Variants in PTPRS observed in about 807,000 individuals in gnomAD.
PTPRS encodes protein tyrosine phosphatase receptor type S, also known as receptor-type tyrosine-protein phosphatase S.
In PTPRS, 63 loss-of-function variants were observed where a neutral mutation model predicts 215.3. The observed-to-expected ratio is 0.29, with a 90% CI of 0.24 to 0.36. The LOEUF (loss-of-function observed/expected upper bound fraction) is 0.36. Among genes scored for constraint, PTPRS ranks in the 10% least tolerant of loss-of-function variants. PTPRS has a pLI of 1.00. For synonymous variants in PTPRS, 1,404 were observed against 1,191.4 expected (o/e 1.18, Z -3.68); for missense variants, 2,258 against 2,825.8 (o/e 0.80, Z 4.56).
chr19:5,222,978 G>C lies in PTPRS; in HGVS notation c.2814C>G (p.Ala938=), dbSNP rs1007774029. The C allele has an allele frequency of 1.3e-6, 2 of 1,541,202 alleles. No homozygotes were observed. The highest frequency in any genetic ancestry group is 2.0e-5 in the Admixed American group (1 of 51,226). ...PRGHPQILEA[A]GNASAGTVLL... The stretch of plus-strand genomic sequence containing the variant: ...GGACGGTCCCGGCCGAGGCGTTGCC[G>C]GCCGCCTCCAGAATCTGCGGGTGGC... The change falls in exon 18 of 38, where the codon GCC becomes GCG. Residue 938 remains alanine (A), a synonymous_variant. Coordinates refer to ENST00000262963, the MANE Select transcript of PTPRS (RefSeq NM_002850.4).
intron 9 of PTPRS, among the ~76,000 whole-genome samples, chr19:5,246,351 A>C (rs149898115): frequency 1.3e-5 from 2 of 152,298 alleles, no homozygotes; most frequent in East Asian, 3.9e-4. Context: ...ATATATAGAG[A>C]GATATATCAA....
At chr19:5,218,148 ACAT>A (rs1030739719) in intron 25 of PTPRS, among the ~76,000 whole-genome samples, 2 of 152,048 alleles carry the variant, frequency 1.3e-5, no homozygotes, top group African/African-American at 2.4e-5. Context: ...CATTTTTTAA[ACAT>A]CGTCTTTAGG....
chr19:5,274,445 G>A, intron 2 of PTPRS, 101 bp from the exon 3 acceptor site: 1 of 1,331,560 alleles, frequency 7.5e-7, no homozygotes, highest in Non-Finnish European at 1.0e-6. Flanking sequence ...CCTGCCCACG[G>A]AAGTGCCATG....
rs753052187 is a variant in PTPRS, at chr19:5,222,951, A to G, written c.2841T>C (p.Leu947=). 22 of 1,551,232 alleles carry G rather than the reference A, an allele frequency of 1.4e-5. No individual in the cohort carries two copies. In the South Asian group the frequency reaches 1.6e-4, roughly 12 times the overall value. ...CGGGCACGGGTGGCAGCCAGCGGAG[A>G]AGGACGGTCCCGGCCGAGGCGTTGC... ...AAGNASAGTV[L]LRWLPPVPAE... The change falls in exon 18 of 38, where the codon CTT becomes CTC. Residue 947 remains leucine (L), a synonymous_variant. Coordinates refer to ENST00000262963, the MANE Select transcript of PTPRS (RefSeq NM_002850.4).
At chr19:5,262,092 T>C (rs531750524) in intron 6 of PTPRS, among the ~76,000 whole-genome samples, 1 of 152,210 alleles carries the variant, frequency 6.6e-6, no homozygotes, top group East Asian at 1.9e-4. Flanking sequence ...CTGGCCAACA[T>C]GGTGAAACCC....
At chr19:5,222,292 G>A in intron 18 of PTPRS, 72 bp from the exon 19 acceptor site, 1 of 1,324,204 alleles carries the variant, frequency 7.6e-7, no homozygotes, top group Non-Finnish European at 1.1e-6. Flanking sequence ...TGGGTGGCGT[G>A]AAGCGGGGTG....
chr19:5,259,861 G>A (rs1354824939), intron 7 of PTPRS, among the ~76,000 whole-genome samples: 1 of 152,186 alleles, frequency 6.6e-6, no homozygotes, highest in Non-Finnish European at 1.5e-5. Context: ...CGTCCCCATA[G>A]AGCACTGCCT....
intron 4 of PTPRS, among the ~76,000 whole-genome samples, chr19:5,269,540 G>A (rs969603521): frequency 1.3e-5 from 2 of 152,048 alleles, no homozygotes; most frequent in Admixed American, 6.6e-5. Flanking sequence ...GGTGGGATCG[G>A]GTCAGGGTAT....
chr19:5,255,002 A>G (rs949736825), intron 9 of PTPRS, among the ~76,000 whole-genome samples: 2 of 152,212 alleles, frequency 1.3e-5, no homozygotes, highest in Non-Finnish European at 2.9e-5. Flanking sequence ...ATGTTTGGAT[A>G]TGTCACTAAA....
In PTPRS at chr19:5,291,422, G is replaced by A. The variant is rs1433410387; in HGVS notation, c.-94-5188C>T. Among the ~76,000 whole-genome samples the A allele has an allele frequency of 4.6e-5, 7 of 152,088 alleles. No individual in the cohort carries two copies. The East Asian group carries it at 1.4e-3, about 29-fold the overall frequency. ...AGAGTCCACATCCTCTGGGCGCCCA[G>A]GCTGCCAAAATTGCCCGTCAGTGTG... On this transcript the variant is annotated intron_variant, in intron 1 of 37. Coordinates refer to ENST00000262963, the MANE Select transcript of PTPRS (RefSeq NM_002850.4).
At chr19:5,223,419 C>A in intron 17 of PTPRS, 122 bp from the exon 18 acceptor site, 1 of 1,134,830 alleles carries the variant, frequency 8.8e-7, no homozygotes, top group Non-Finnish European at 1.2e-6. Flanking sequence ...TGGGGGGGGT[C>A]TTACTCTGTT....
chr19:5,211,567 G>C, intron 33 of PTPRS, 23 bp downstream of exon 33: 1 of 1,594,334 alleles, frequency 6.3e-7, no homozygotes, highest in Non-Finnish European at 8.6e-7. Flanking sequence ...GGGGCCCTGA[G>C]GTGGGAAAGG....
intron 1 of PTPRS, among the ~76,000 whole-genome samples, chr19:5,335,269 A>G (rs1015674): frequency 0.69 from 104,966 of 152,100 alleles, 37,244 homozygotes; most frequent in African/African-American, 0.85. Context: ...CAGGGGAGGC[A>G]TGTTTACCCA....
intron 1 of PTPRS, among the ~76,000 whole-genome samples, chr19:5,288,296 G>C (rs900922467): frequency 5.9e-5 from 9 of 152,118 alleles, no homozygotes; most frequent in Non-Finnish European, 1.2e-4. Flanking sequence ...GTGCCAGCCA[G>C]CCAAATAGAG....
intron 13 of PTPRS, among the ~76,000 whole-genome samples, chr19:5,233,215 A>T (rs1428693423): frequency 1.3e-5 from 2 of 151,668 alleles, no homozygotes; most frequent in African/African-American, 4.9e-5. Context: ...GCACCGTGGC[A>T]AGGGGAACAG....
Position 5,220,168 on chromosome 19 carries a change from G to C in PTPRS, c.3550-14C>G. 2 of 1,610,016 alleles carry C rather than the reference G, an allele frequency of 1.2e-6. No homozygotes were observed. Among genetic ancestry groups the C allele is most frequent in the Non-Finnish European group, 1.7e-6 (2 of 1,178,086 alleles). On this transcript the variant is annotated splice_polypyrimidine_tract_variant and intron_variant, in intron 21 of 37. Transcript: ENST00000262963. ...GTCCTGGATGAGCTGCGGGAACAGAGTCATGGGTGGCTCAGAGCTCAGCTG... is the reference window on the plus strand; with the variant it reads ...GTCCTGGATGAGCTGCGGGAACAGACTCATGGGTGGCTCAGAGCTCAGCTG...
At position 5,220,162 on chromosome 19, in the gene PTPRS, AAC is replaced by A; in HGVS notation, c.3550-10_3550-9del. 2.5e-6 allele frequency: 4 copies of A among 1,610,246 alleles called. No homozygotes were observed. Among genetic ancestry groups the A allele is most frequent in the Non-Finnish European group, 3.4e-6 (4 of 1,178,136 alleles). On this transcript the variant is annotated splice_polypyrimidine_tract_variant and intron_variant, in intron 21 of 37. Coordinates refer to ENST00000262963, the MANE Select transcript of PTPRS (RefSeq NM_002850.4). ...TGAGATGTCCTGGATGAGCTGCGGG[AAC>A]AGAGTCATGGGTGGCTCAGAGCTCA...
chr19:5,273,619 C>A (rs2047105503), intron 3 of PTPRS, 36 bp from the exon 4 acceptor site: 1 of 1,612,702 alleles, frequency 6.2e-7, no homozygotes, highest in East Asian at 2.2e-5. Flanking sequence ...CAGAGTGAGG[C>A]TGGGGTCCCA....
At chr19:5,219,102 G>C (rs2041751579) in intron 23 of PTPRS, 1 of 707,844 alleles carries the variant, frequency 1.4e-6, no homozygotes, top group Non-Finnish European at 2.3e-6. Flanking sequence ...GTTAAGAGGA[G>C]AAGCCAAGCC....
Sources: gnomAD v4.1 joint callset for allele counts (sites outside exome capture counted in the v4.1 genomes callset) on GRCh38, gnomAD v4.1.1 for gene constraint, MANE v1.5 for transcripts, NCBI Gene and HGNC (gene_info 2026-07-23, HGNC 2026-07-21) for gene names.